EHBP1: variants seen among roughly 807,000 people sequenced by gnomAD.
EHBP1 encodes the protein EH domain-binding protein 1.
Under a neutral mutation model 144.0 loss-of-function variants are expected in EHBP1, and 55 were observed. The ratio of observed to expected loss-of-function variants is 0.38; its 90% CI spans 0.31 to 0.48. The LOEUF (loss-of-function observed/expected upper bound fraction) is 0.48, where lower values mean the gene tolerates loss of function less well. Among genes scored for constraint, EHBP1 ranks in the 20% least tolerant of loss-of-function variants. EHBP1 has a pLI of 0.98. For synonymous variants in EHBP1, 469 were observed against 472.7 expected, an observed-to-expected ratio of 0.99 and a Z score of 0.10; for missense variants, 1,200 against 1,364.2, an observed-to-expected ratio of 0.88 and a Z score of 1.90.
intron 2 of EHBP1, among the ~76,000 whole-genome samples, chr2:62,733,554 G>A (rs1268745605): frequency 8.5e-5 from 13 of 152,154 alleles, no homozygotes; most frequent in Admixed American, 8.5e-4. Context: ...TTCCCCTTTA[G>A]GTGAGAAAGG....
At chr2:62,874,589 C>A in intron 10 of EHBP1, 57 bp downstream of exon 10, 2 of 1,405,682 alleles carry the variant, frequency 1.4e-6, no homozygotes, top group Non-Finnish European at 1.9e-6. Flanking sequence ...CTCCCCGTGC[C>A]ATTTAATTTA....
chr2:62,683,695 A>G (rs190909924), intron 1 of EHBP1, among the ~76,000 whole-genome samples: 24 of 151,152 alleles, frequency 1.6e-4, no homozygotes, highest in African/African-American at 5.8e-4. Flanking sequence ...TGAGTAAGTA[A>G]GGTCAGCACC....
chr2:62,959,030 A>G (rs2057862711), intron 14 of EHBP1, among the ~76,000 whole-genome samples: 1 of 152,088 alleles, frequency 6.6e-6, no homozygotes, highest in African/African-American at 2.4e-5. Context: ...GTAACTGCCC[A>G]TTTCTCCCTC....
intron 19 of EHBP1, among the ~76,000 whole-genome samples, chr2:62,999,463 G>A (rs1438623849): frequency 3.3e-5 from 5 of 152,068 alleles, no homozygotes; most frequent in Non-Finnish European, 7.4e-5. Flanking sequence ...CATGAATTCT[G>A]TACTCACTAA....
intron 3 of EHBP1, among the ~76,000 whole-genome samples, chr2:62,753,452 A>G (rs1377922707): frequency 6.6e-6 from 1 of 150,416 alleles, no homozygotes; most frequent in Non-Finnish European, 1.5e-5. Context: ...CTTTATTTCA[A>G]CTTTGGTGAG....
chr2:63,035,778 A>G (rs971297451), intron 19 of EHBP1, among the ~76,000 whole-genome samples: 2 of 151,974 alleles, frequency 1.3e-5, no homozygotes, highest in Non-Finnish European at 2.9e-5. Flanking sequence ...CCTTTTTCCA[A>G]ATTGCAAGCT....
chr2:62,733,098 A>G (rs113322360), intron 2 of EHBP1, among the ~76,000 whole-genome samples: 183 of 152,286 alleles, frequency 1.2e-3, no homozygotes, highest in African/African-American at 4.0e-3. Context: ...GAGTTTGATT[A>G]TGATGCTTGT....
chr2:63,045,367 A>G lies in EHBP1; in HGVS notation c.3393-43A>G. 1 of 1,590,868 alleles carries G rather than the reference A, an allele frequency of 6.3e-7. No homozygotes were observed. Among genetic ancestry groups the G allele is most frequent in the South Asian group, 1.1e-5 (1 of 90,488 alleles). ...GTGCTGCTCTGCCCTCCACGAAGAA[A>G]AATAATTTTGTTTCCTGTTTGTCCT... On this transcript the variant is annotated intron_variant, in intron 22 of 22. Coordinates refer to ENST00000431489, the MANE Select transcript of EHBP1 (RefSeq NM_001142616.3). The surrounding 1 kb of genome is among the most constrained non-coding windows in gnomAD (Gnocchi z 5.7).
chr2:62,750,376 G>T (rs1351189680), intron 3 of EHBP1, among the ~76,000 whole-genome samples: 2 of 152,142 alleles, frequency 1.3e-5, no homozygotes, highest in Non-Finnish European at 2.9e-5. Context: ...ATGCTGTTTT[G>T]GTTACTGTAG....
chr2:62,730,670 C>T (rs1173090707), intron 2 of EHBP1, among the ~76,000 whole-genome samples: 1 of 147,248 alleles, frequency 6.8e-6, no homozygotes, highest in African/African-American at 2.5e-5. Context: ...GACAAAGATA[C>T]ACAAAGAGAG....
intron 17 of EHBP1, 87 bp from the exon 18 acceptor site, chr2:62,993,784 A>G (rs2059516466): frequency 2.9e-6 from 3 of 1,051,468 alleles, no homozygotes; most frequent in South Asian, 4.2e-5. Flanking sequence ...ATATATGTAT[A>G]TAATCTGGTA....
intron 8 of EHBP1, among the ~76,000 whole-genome samples, chr2:62,861,667 A>G (rs1393272001): frequency 2.6e-5 from 4 of 151,676 alleles, no homozygotes; most frequent in Non-Finnish European, 4.4e-5. Flanking sequence ...ACTTGAACTC[A>G]GGAGACAAAG....
At chr2:62,872,794 T>G (rs1026614714) in intron 9 of EHBP1, among the ~76,000 whole-genome samples, 2 of 152,148 alleles carry the variant, frequency 1.3e-5, no homozygotes, top group Non-Finnish European at 2.9e-5. Context: ...CTAATCTACT[T>G]TCTGTTTCTG....
At chr2:62,782,563 G>A (rs1027650241) in intron 5 of EHBP1, among the ~76,000 whole-genome samples, 1 of 152,144 alleles carries the variant, frequency 6.6e-6, no homozygotes, top group Admixed American at 6.5e-5. Flanking sequence ...GAGGCCTCAG[G>A]AAACTTACAG....
chr2:62,968,244 G>A (rs2153163661), intron 14 of EHBP1, among the ~76,000 whole-genome samples: 1 of 152,246 alleles, frequency 6.6e-6, no homozygotes, highest in African/African-American at 2.4e-5. Context: ...CAAAGATTAG[G>A]AAGATCATTA....
At chr2:62,957,640 G>GTTTTTTTT (rs771682026) in intron 14 of EHBP1, among the ~76,000 whole-genome samples, 2 of 69,700 alleles carry the variant, frequency 2.9e-5, no homozygotes, top group Admixed American at 1.4e-4. Context: ...GAAAATAAAT[G>GTTTTTTTT]CTTTTTTTTT....
At chr2:62,775,649 C>T (rs577401714) in intron 5 of EHBP1, among the ~76,000 whole-genome samples, 23 of 152,236 alleles carry the variant, frequency 1.5e-4, no homozygotes, top group African/African-American at 5.5e-4. Context: ...AAATATATAT[C>T]ACTGTAACAA....
chr2:63,006,860 A>T (rs2060060205), intron 19 of EHBP1, among the ~76,000 whole-genome samples: 1 of 151,706 alleles, frequency 6.6e-6, no homozygotes. Flanking sequence ...CTGCATACTT[A>T]ATTTCTGTAT....
intron 10 of EHBP1, among the ~76,000 whole-genome samples, chr2:62,893,302 A>T (rs1167017817): frequency 6.6e-6 from 1 of 152,172 alleles, no homozygotes; most frequent in African/African-American, 2.4e-5. Context: ...TTTTTATTAT[A>T]AAAAATACTC....
Sources: allele counts gnomAD v4.1 joint callset (sites outside exome capture counted in the v4.1 genomes callset), GRCh38; gene constraint gnomAD v4.1.1; non-coding constraint Gnocchi (gnomAD v3.1); transcripts MANE v1.5; gene names NCBI Gene and HGNC (gene_info 2026-07-23, HGNC 2026-07-21).